NAALADL2: variants seen among roughly 807,000 people sequenced by gnomAD.
NAALADL2 encodes N-acetylated alpha-linked acidic dipeptidase like 2, also known as inactive N-acetylated-alpha-linked acidic dipeptidase-like protein 2.
In NAALADL2, 76 loss-of-function variants were observed where a neutral mutation model predicts 87.2. That is an observed-to-expected ratio of 0.87 (90% CI 0.72 to 1.05). The LOEUF (loss-of-function observed/expected upper bound fraction) is 1.05, where lower values mean the gene tolerates loss of function less well. NAALADL2 is among the 50% of genes least tolerant of loss of function. NAALADL2 has a pLI of 0.00. For missense variants in NAALADL2, 1,089 were observed against 945.8 expected, an observed-to-expected ratio of 1.15 and a Z score of -1.99; for synonymous variants, 354 against 331.0, an observed-to-expected ratio of 1.07 and a Z score of -0.75.
chr3:175,640,599 C>T (rs1266895644), intron 11 of NAALADL2, among the ~76,000 whole-genome samples: 3 of 152,182 alleles, frequency 2.0e-5, no homozygotes, highest in Middle Eastern at 3.4e-3. Context: ...TTTTACTCCA[C>T]GATGCCTTTT....
chr3:175,502,228 G>T (rs968717532), intron 9 of NAALADL2, among the ~76,000 whole-genome samples: 4 of 147,292 alleles, frequency 2.7e-5, no homozygotes, highest in Non-Finnish European at 6.0e-5. Context: ...CATTATCCTG[G>T]GTGTGTGTGT....
chr3:175,294,972 C>T (rs1009101468), intron 4 of NAALADL2, among the ~76,000 whole-genome samples: 8 of 152,136 alleles, frequency 5.3e-5, no homozygotes, highest in African/African-American at 1.7e-4. Flanking sequence ...TGAGAAGGTA[C>T]TTAGTTCCTC....
intron 2 of NAALADL2, among the ~76,000 whole-genome samples, chr3:174,582,446 T>G (rs1481470943): frequency 1.3e-5 from 2 of 152,200 alleles, no homozygotes; most frequent in African/African-American, 4.8e-5. Flanking sequence ...GTGACTGCAT[T>G]TAATAGTTTG....
At chr3:175,137,658 T>C (rs1580651931) in intron 2 of NAALADL2, among the ~76,000 whole-genome samples, 1 of 149,724 alleles carries the variant, frequency 6.7e-6, no homozygotes, top group African/African-American at 2.5e-5. Flanking sequence ...CAGGCTAGAG[T>C]GCAATGGCTC....
intron 6 of NAALADL2, among the ~76,000 whole-genome samples, chr3:175,462,200 T>C (rs1449069480): frequency 1.3e-5 from 2 of 152,314 alleles, no homozygotes; most frequent in East Asian, 3.9e-4. Context: ...ATTGGGGAAC[T>C]GTATACTTTC....
intron 10 of NAALADL2, among the ~76,000 whole-genome samples, chr3:175,626,686 A>G (rs537412659): frequency 1.3e-5 from 2 of 151,980 alleles, no homozygotes; most frequent in African/African-American, 4.8e-5. Flanking sequence ...ATGGAATAAC[A>G]GTTACATGCT....
chr3:175,564,598 AGTTAT>A (rs1433927963), intron 9 of NAALADL2, among the ~76,000 whole-genome samples: 1 of 152,222 alleles, frequency 6.6e-6, no homozygotes, highest in Non-Finnish European at 1.5e-5. Context: ...TAATAGCTGA[AGTTAT>A]GTTATGTCAG....
chr3:174,748,931 T>A lies in NAALADL2; in HGVS notation c.-9+11185T>A, dbSNP rs183118526. Among the ~76,000 whole-genome samples, 177 of 152,280 alleles carry A rather than the reference T, an allele frequency of 1.2e-3. 1 individual carries two copies. The highest frequency in any genetic ancestry group is 4.1e-3 in the African/African-American group (171 of 41,560). On this transcript the variant is annotated intron_variant, in intron 3 of 3. Coordinates refer to the NAALADL2 transcript ENST00000434257. ...TTTATTAAAAAATAGTCAAGTTGAG[T>A]GTAGCATGCATATTTGTTCTTAAGG...
At chr3:175,793,182 C>T (rs976934862) in intron 13 of NAALADL2, among the ~76,000 whole-genome samples, 12 of 151,874 alleles carry the variant, frequency 7.9e-5, no homozygotes, top group Non-Finnish European at 1.5e-4. Context: ...TTCTCCTAAA[C>T]AATAAAGCAC....
chr3:175,098,199 C>T (rs886723982), intron 2 of NAALADL2, among the ~76,000 whole-genome samples: 5 of 152,060 alleles, frequency 3.3e-5, no homozygotes, highest in Non-Finnish European at 5.9e-5. Context: ...ATAACCATCC[C>T]TGGACATTTA....
At position 174,916,929 on chromosome 3, in the gene NAALADL2, T is replaced by C. The variant is rs62286179; in HGVS notation, c.43+57479T>C. The stretch of plus-strand genomic sequence containing the variant: ...AAATATTTTCAGAGTGATTAATATA[T>C]AGCATCTAGTGTCATTATCTCTACT... On this transcript the variant is annotated intron_variant, in intron 1 of 13. Transcript: ENST00000454872. Among the ~76,000 whole-genome samples the C allele has an allele frequency of 5.6e-3, 858 of 152,268 alleles. 3 individuals carry two copies. The highest frequency in any genetic ancestry group is 9.5e-3 in the Non-Finnish European group (649 of 67,982).
At chr3:174,949,598 T>G (rs1740015638) in intron 1 of NAALADL2, among the ~76,000 whole-genome samples, 1 of 152,216 alleles carries the variant, frequency 6.6e-6, no homozygotes, top group South Asian at 2.1e-4. Context: ...CCTCAGAATT[T>G]GGACCAGGAC....
chr3:175,479,961 A>G (rs570860451), intron 9 of NAALADL2, among the ~76,000 whole-genome samples: 3 of 151,908 alleles, frequency 2.0e-5, no homozygotes, highest in Non-Finnish European at 4.4e-5. Flanking sequence ...ATTCTCAGAT[A>G]GGAAGAATTA....
intron 2 of NAALADL2, among the ~76,000 whole-genome samples, chr3:174,679,574 A>G (rs1464508034): frequency 6.6e-6 from 1 of 152,110 alleles, no homozygotes; most frequent in Non-Finnish European, 1.5e-5. Flanking sequence ...GGGTGTTCCT[A>G]TAACAGCAGA....
At chr3:175,759,005 A>G (rs1747634727) in intron 13 of NAALADL2, among the ~76,000 whole-genome samples, 1 of 152,172 alleles carries the variant, frequency 6.6e-6, no homozygotes, top group South Asian at 2.1e-4. Flanking sequence ...CGTCTCAATA[A>G]AAGTGACACT....
chr3:175,017,362 A>G (rs1219404032), intron 1 of NAALADL2, among the ~76,000 whole-genome samples: 2 of 152,090 alleles, frequency 1.3e-5, no homozygotes, highest in Non-Finnish European at 2.9e-5. Flanking sequence ...CCATCCTTCA[A>G]GGTGGATGGA....
chr3:175,409,634 C>A (rs1713095931), intron 5 of NAALADL2, among the ~76,000 whole-genome samples: 1 of 151,734 alleles, frequency 6.6e-6, no homozygotes, highest in Admixed American at 6.6e-5. Context: ...ATCTCCCTCC[C>A]AAGAACTTAC....
intron 5 of NAALADL2, among the ~76,000 whole-genome samples, chr3:175,393,134 C>T (rs1158946177): frequency 6.1e-5 from 9 of 148,502 alleles, no homozygotes; most frequent in South Asian, 2.1e-4. Flanking sequence ...ATTAGCCGGG[C>T]GCGGTGGCGG....
chr3:175,361,214 G>A (rs2148908843), intron 5 of NAALADL2, among the ~76,000 whole-genome samples: 1 of 152,048 alleles, frequency 6.6e-6, no homozygotes, highest in Middle Eastern at 3.4e-3. Flanking sequence ...TTTTATGGCT[G>A]CATAGTATTC....
Sources: gnomAD v4.1 joint callset for allele counts (sites outside exome capture counted in the v4.1 genomes callset) on GRCh38, gnomAD v4.1.1 for gene constraint, MANE v1.5 for transcripts, NCBI Gene and HGNC (gene_info 2026-07-23, HGNC 2026-07-21) for gene names.